The following SLC26A9 variants were observed in gnomAD, a reference collection of about 807,000 sequenced individuals.
SLC26A9 encodes solute carrier family 26 member 9.
In SLC26A9, 46 loss-of-function variants were observed where a neutral mutation model predicts 87.1. The observed-to-expected ratio is 0.53, with a 90% CI of 0.42 to 0.67. The LOEUF (loss-of-function observed/expected upper bound fraction) is 0.67, where lower values mean the gene tolerates loss of function less well. SLC26A9 is among the 30% of genes least tolerant of loss of function. The pLI, the probability that SLC26A9 is intolerant of heterozygous loss-of-function variation, is 0.00. For synonymous variants in SLC26A9, 437 were observed against 409.1 expected (o/e 1.07, Z -0.82); for missense variants, 927 against 1,018.3 (o/e 0.91, Z 1.22).
chr1:205,918,997 A>G lies in SLC26A9; in HGVS notation c.2111-12T>C, dbSNP rs746855221. ...ATTGTACACCTGGGCTAGAAGGAGA[A>G]AAGATCACCTTCAGAAAGATAACAG... On this transcript the variant is annotated splice_polypyrimidine_tract_variant and intron_variant, in intron 18 of 20. Coordinates refer to ENST00000367135, the MANE Select transcript of SLC26A9 (RefSeq NM_052934.4). 4.3e-6 allele frequency: 7 copies of G among 1,613,664 alleles called. No homozygotes were observed. Among genetic ancestry groups the G allele is most frequent in the Non-Finnish European group, 5.1e-6 (6 of 1,179,568 alleles).
At chr1:205,942,857 A>G (rs1216014546) in intron 1 of SLC26A9, among the ~76,000 whole-genome samples, 1 of 152,160 alleles carries the variant, frequency 6.6e-6, no homozygotes, top group Non-Finnish European at 1.5e-5. Context: ...TGTGTAGTCC[A>G]TGCTAAGTTC....
intron 1 of SLC26A9, among the ~76,000 whole-genome samples, chr1:205,941,340 T>A (rs1369889698): frequency 1.3e-5 from 2 of 152,006 alleles, no homozygotes; most frequent in Non-Finnish European, 2.9e-5. Context: ...AGCTAATATT[T>A]TTTATATTTT....
intron 9 of SLC26A9, 104 bp from the exon 10 acceptor site, chr1:205,927,709 T>C: frequency 7.2e-7 from 1 of 1,380,296 alleles, no homozygotes; most frequent in Non-Finnish European, 1.0e-6. Context: ...GACCTGAGAG[T>C]GACCCAGTGG....
In SLC26A9 at chr1:205,921,807, G is replaced by A. The variant is rs150470449; in HGVS notation, c.1814C>T (p.Ala605Val). Residue 605 changes from alanine (A) to valine (V), a missense_variant, in exon 17 of 21, where the codon GCG becomes GTG. Physicochemically the swap from Ala to Val is moderately conservative, Grantham distance 64. Coordinates refer to ENST00000367135, the MANE Select transcript of SLC26A9 (RefSeq NM_052934.4). Reference sequence around the variant, plus strand: ...GTTGTTGTTGGGGTCGGTGGGGGGCGCATTCTCAAAGTCCTGCTGCAGCTC... The same window carrying A: ...GTTGTTGTTGGGGTCGGTGGGGGGCACATTCTCAAAGTCCTGCTGCAGCTC... ...LQELQQDFEN[A>V]PPTDPNNNQT... The A allele has an allele frequency of 2.4e-4, 388 of 1,606,108 alleles. No homozygotes were observed. The highest frequency in any genetic ancestry group is 4.7e-4 in the Admixed American group (28 of 59,026).
intron 1 of SLC26A9, among the ~76,000 whole-genome samples, chr1:205,939,081 T>A (rs528528364): frequency 6.6e-6 from 1 of 152,324 alleles, no homozygotes; most frequent in African/African-American, 2.4e-5. Context: ...AGGAATAGGA[T>A]GCTGAAGGGG....
chr1:205,916,350 G>A (rs1339048792), intron 20 of SLC26A9, among the ~76,000 whole-genome samples: 1 of 152,186 alleles, frequency 6.6e-6, no homozygotes, highest in East Asian at 1.9e-4. Flanking sequence ...GCCCACCTCA[G>A]CCTCCCAAAG....
intron 13 of SLC26A9, among the ~76,000 whole-genome samples, chr1:205,923,836 C>T (rs1244885692): frequency 6.6e-6 from 1 of 152,138 alleles, no homozygotes; most frequent in African/African-American, 2.4e-5. Flanking sequence ...AGCTCCCAGA[C>T]CACAGGGCAG....
chr1:205,927,432 C>CT, intron 10 of SLC26A9, 60 bp downstream of exon 10: 1 of 1,578,752 alleles, frequency 6.3e-7, no homozygotes, highest in South Asian at 1.1e-5. Flanking sequence ...AGTGCCCAGG[C>CT]TTTTTTGGGG....
chr1:205,924,687 C>G (rs1658995075), intron 12 of SLC26A9, 198 bp from the exon 13 acceptor site: 2 of 542,736 alleles, frequency 3.7e-6, no homozygotes, highest in Non-Finnish European at 6.5e-6. Context: ...CTTAGATTGA[C>G]TGTGGTTGCC....
At chr1:205,923,025 G>T in intron 16 of SLC26A9, 57 bp downstream of exon 16, 1 of 1,513,414 alleles carries the variant, frequency 6.6e-7, no homozygotes, top group African/African-American at 1.4e-5. Flanking sequence ...GTAACAGGGG[G>T]CAGTATCAGA....
intron 1 of SLC26A9, among the ~76,000 whole-genome samples, chr1:205,939,676 G>T (rs191556113): frequency 6.6e-6 from 1 of 152,200 alleles, no homozygotes; most frequent in African/African-American, 2.4e-5. Flanking sequence ...GGGAGGAGGA[G>T]TCTCAGAGAA....
At position 205,933,026 on chromosome 1, in the gene SLC26A9, G is replaced by T. The variant is rs2102596461; in HGVS notation, c.184C>A (p.Leu62Ile). ...VFGLLPVLSW[L>I]PKYKIKDYII... ...TAGTCTTTAATCTTGTACTTGGGGA[G>T]CCAGGAGAGCACAGGCAGCAGCCCA... The change falls in exon 3 of 21, where the codon CTC becomes ATC. Residue 62 changes from leucine (L) to isoleucine (I), a missense_variant. Coordinates refer to ENST00000367135, the MANE Select transcript of SLC26A9 (RefSeq NM_052934.4). The T allele has an allele frequency of 6.2e-7, 1 of 1,614,170 alleles. No individual in the cohort carries two copies. The highest frequency in any genetic ancestry group is 8.5e-7 in the Non-Finnish European group (1 of 1,180,036).
At chr1:205,923,473 G>A (rs1243626552) in intron 14 of SLC26A9, 46 bp from the exon 15 acceptor site, 1 of 1,613,674 alleles carries the variant, frequency 6.2e-7, no homozygotes. Context: ...GTCTTTATTG[G>A]CTTTAAAAAG....
At chr1:205,924,745 G>T (rs190175419) in intron 12 of SLC26A9, 1 of 434,636 alleles carries the variant, frequency 2.3e-6, no homozygotes, top group Non-Finnish European at 4.2e-6. Flanking sequence ...CAGGGAGGTG[G>T]CATCTATAAG....
chr1:205,917,607 C>A (rs763009879), intron 19 of SLC26A9, among the ~76,000 whole-genome samples: 5 of 152,054 alleles, frequency 3.3e-5, no homozygotes, highest in Non-Finnish European at 5.9e-5. Context: ...AGGTTTTACT[C>A]AGCTTAGAAA....
rs113857420 is a variant in SLC26A9 at position 205,940,652 on chromosome 1, C to T, written c.-19+2713G>A. On this transcript the variant is annotated intron_variant, in intron 1 of 20. Transcript: ENST00000367135. ...CCATGCCTTAACCCCTCCAAATTTT[C>T]CCAGGACTTGATGAGAGGAACAGCA... Among the ~76,000 whole-genome samples, 758 of 152,256 alleles carry T rather than the reference C, an allele frequency of 5.0e-3. 6 individuals are homozygous for T. The highest frequency in any genetic ancestry group is 0.017 in the African/African-American group (707 of 41,518).
intron 19 of SLC26A9, among the ~76,000 whole-genome samples, chr1:205,918,534 G>T (rs546678811): frequency 6.6e-6 from 1 of 152,140 alleles, no homozygotes; most frequent in South Asian, 2.1e-4. Flanking sequence ...ACTATGCTTT[G>T]GGTGTTTGTG....
rs1157266592 is a variant in SLC26A9, at chr1:205,914,167, G to A, written c.*1190C>T. ...CCTAAGGGTGTTAAAGAGTCTTCCTGTGCAGGAAGACCCAATCTGGATCAG... is the reference window on the plus strand; with the variant it reads ...CCTAAGGGTGTTAAAGAGTCTTCCTATGCAGGAAGACCCAATCTGGATCAG... On this transcript the variant is annotated 3_prime_UTR_variant, in exon 21 of 21. Coordinates refer to ENST00000367135, the MANE Select transcript of SLC26A9 (RefSeq NM_052934.4). The A allele has an allele frequency of 1.3e-5, 2 of 152,216 alleles. No individual in the cohort carries two copies. Among genetic ancestry groups the A allele is most frequent in the African/African-American group, 2.4e-5 (1 of 41,452 alleles). 9.4% of individuals were successfully genotyped at this position (152,216 alleles called of 1,614,324 possible).
chr1:205,932,895 G>A, intron 3 of SLC26A9, 50 bp downstream of exon 3: 2 of 1,610,588 alleles, frequency 1.2e-6, no homozygotes, highest in Non-Finnish European at 1.7e-6. Context: ...ATGAGGAGAG[G>A]AATGGTGAGG....
Sources: gnomAD v4.1 joint callset for allele counts (sites outside exome capture counted in the v4.1 genomes callset) on GRCh38, gnomAD v4.1.1 for gene constraint, MANE v1.5 for transcripts, NCBI Gene and HGNC (gene_info 2026-07-23, HGNC 2026-07-21) for gene names.